PEX16: variants seen among roughly 807,000 people sequenced by gnomAD.
PEX16 encodes the protein peroxisomal biogenesis factor 16.
PEX16 carries 37 observed loss-of-function variants against 50.5 expected under a neutral mutation model. That is an observed-to-expected ratio of 0.73 (90% CI 0.56 to 0.96). The LOEUF (loss-of-function observed/expected upper bound fraction) is 0.96. Ranked by LOEUF, PEX16 falls within the 40% of genes least tolerant of loss-of-function variation. The pLI, the probability that PEX16 is intolerant of heterozygous loss-of-function variation, is 0.00. For missense variants in PEX16, 401 were observed against 438.3 expected (o/e 0.91, Z 0.76); for synonymous variants, 185 against 190.3 (o/e 0.97, Z 0.23).
At chr11:45,918,075 C>T, upstream of PEX16, 1 of 541,620 alleles carries the variant, frequency 1.8e-6, no homozygotes, top group East Asian at 3.2e-5. Flanking sequence ...GCACGCTCTC[C>T]GCCCCTGACC....
Position 45,914,197 on chromosome 11 carries a change from C to T in PEX16, c.701G>A (p.Ser234Asn), listed in dbSNP as rs755175843. Residue 234 changes from serine to asparagine, a missense_variant, in exon 8 of 11, where the codon AGC becomes AAC. Ser to Asn is a conservative substitution (Grantham distance 46). Transcript: ENST00000378750. The stretch of plus-strand genomic sequence containing the variant: ...CGACCTCTGACCCCACAGGCCCAGG[C>T]TGAGCACTGACGGCCAAGGCGTCAA... ...YIARPLLHLL[S>N]LGLWGQRSWK... The T allele has an allele frequency of 6.2e-7, 1 of 1,613,158 alleles. No homozygotes were observed. The highest frequency in any genetic ancestry group is 1.3e-5 in the African/African-American group (1 of 74,884).
rs755516862 is a variant in PEX16, at chr11:45,914,465, G to A, written c.545C>T (p.Pro182Leu). Residue 182 changes from proline to leucine, a missense_variant, in exon 7 of 11, where the codon CCG (proline) becomes CTG (leucine). Coordinates refer to ENST00000378750, the MANE Select transcript of PEX16 (RefSeq NM_004813.4). ...TCCCCAGTGCCTGGAGTGCAGGGACGGCGCTAGAACACAAGGGCGGCAGAT... is the reference window on the plus strand; with the variant it reads ...TCCCCAGTGCCTGGAGTGCAGGGACAGCGCTAGAACACAAGGGCGGCAGAT... Reference protein sequence around the residue: ...NRVVRTLQNTPSLHSRHWGAP... With the variant: ...NRVVRTLQNTLSLHSRHWGAP... 9 of 1,607,774 alleles carry A rather than the reference G, an allele frequency of 5.6e-6. No homozygotes were observed. The highest frequency in any genetic ancestry group is 2.2e-5 in the East Asian group (1 of 44,868).
chr11:45,916,402 T>A, intron 2 of PEX16, 99 bp from the exon 3 acceptor site: 1 of 915,832 alleles, frequency 1.1e-6, no homozygotes, highest in Non-Finnish European at 1.8e-6. Flanking sequence ...CATGCTCTGC[T>A]CAGACACCCA....
chr11:45,910,917 A>C lies in PEX16; in HGVS notation c.933T>G (p.Pro311=), dbSNP rs776506962. The part of the protein sequence containing the change: ...FLLQLLADHV[P]GVGLVTRPLM... ...GCTTACTTGTGACCAGGCCAACGCCAGGGACGTGGTCGGCCAGCAACTGGA... is the reference window on the plus strand; with the variant it reads ...GCTTACTTGTGACCAGGCCAACGCCCGGGACGTGGTCGGCCAGCAACTGGA... Residue 311 remains proline, a synonymous_variant, in exon 10 of 11, where the codon CCT becomes CCG. Transcript: ENST00000378750. 1.2e-6 allele frequency: 2 copies of C among 1,613,650 alleles called. No individual in the cohort carries two copies. The highest frequency in any genetic ancestry group is 2.7e-5 in the African/African-American group (2 of 75,068).
upstream of PEX16, chr11:45,918,119 T>G: frequency 8.5e-6 from 4 of 469,312 alleles, no homozygotes; most frequent in African/African-American, 2.0e-5. Flanking sequence ...CTCTTCCGTT[T>G]ACCGGGTTGG....
intron 2 of PEX16, chr11:45,917,037 C>G (rs1022541622): frequency 2.0e-6 from 1 of 490,204 alleles, no homozygotes; most frequent in African/African-American, 1.9e-5. Flanking sequence ...GGCAAACACT[C>G]TTGAGGTAGT....
rs1375624052 is a variant in PEX16, at chr11:45,910,925, G to C, written c.925C>G (p.His309Asp). The C allele has an allele frequency of 1.9e-6, 3 of 1,613,610 alleles. No homozygotes were observed. Residue 309 changes from histidine (H) to aspartate (D), a missense_variant, in exon 10 of 11, where the codon CAC becomes GAC. His to Asp is a moderately conservative substitution (Grantham distance 81). Transcript: ENST00000378750. ...GTGACCAGGCCAACGCCAGGGACGT[G>C]GTCGGCCAGCAACTGGAGCAGGAAG... ...ILFLLQLLADHVPGVGLVTRP... is the reference protein window; with the variant it reads ...ILFLLQLLADDVPGVGLVTRP...
chr11:45,912,675 T>G (rs1335152310), intron 9 of PEX16, among the ~76,000 whole-genome samples: 1 of 152,058 alleles, frequency 6.6e-6, no homozygotes, highest in Non-Finnish European at 1.5e-5. Flanking sequence ...GGCTAATTTT[T>G]GTATTTTTAG....
chr11:45,915,889 C>G, intron 3 of PEX16, 53 bp from the exon 4 acceptor site: 1 of 1,574,966 alleles, frequency 6.3e-7, no homozygotes, highest in East Asian at 2.2e-5. Flanking sequence ...CAGGGAGTCC[C>G]AGGCCCTTCT....
chr11:45,914,073 C>G, intron 8 of PEX16, 58 bp downstream of exon 8: 1 of 1,576,206 alleles, frequency 6.3e-7, no homozygotes, highest in South Asian at 1.1e-5. Context: ...CTATGTGAGG[C>G]CAGGATTATA....
At position 45,917,761 on chromosome 11, in the gene PEX16, A is replaced by G; in HGVS notation, c.51T>C (p.Arg17=). ...LGLRYQEYVT[R]HPAATAQLET... ...CCAGCTGGGCCGTGGCGGCCGGGTG[A>G]CGAGTCACGTACTCCTGGTAGCGGA... The change falls in exon 1 of 11, where the codon CGT becomes CGC. Residue 17 remains arginine (R), a synonymous_variant. Transcript: ENST00000378750. The G allele has an allele frequency of 6.4e-7, 1 of 1,555,022 alleles. No homozygotes were observed. The highest frequency in any genetic ancestry group is 2.4e-5 in the East Asian group (1 of 41,716).
Position 45,910,302 on chromosome 11 carries a change from C to T in PEX16, c.963G>A (p.Met321Ile). The change falls in exon 11 of 11, where the codon ATG becomes ATA. Residue 321 changes from methionine to isoleucine, a missense_variant. Transcript: ENST00000378750. ...PGVGLVTRPL[M>I]DYLPTWQKIY... ...TTTTCTGCCAGGTGGGCAAGTAATC[C>T]ATGAGCGGCCCTGCAGTGGGAGAGG... 1 of 1,613,732 alleles carries T rather than the reference C, an allele frequency of 6.2e-7. No individual in the cohort carries two copies. The highest frequency in any genetic ancestry group is 8.5e-7 in the Non-Finnish European group (1 of 1,179,806).
chr11:45,913,350 G>C (rs913546484), intron 9 of PEX16, among the ~76,000 whole-genome samples: 11 of 152,214 alleles, frequency 7.2e-5, no homozygotes, highest in African/African-American at 1.2e-4. Flanking sequence ...AGGTGACTGA[G>C]TGGGGGCTGG....
At position 45,909,733 on chromosome 11, in the gene PEX16, G is replaced by T; in HGVS notation, c.*521C>A. 1 of 363,656 alleles carries T rather than the reference G, an allele frequency of 2.7e-6. No homozygotes were observed. The highest frequency in any genetic ancestry group is 5.2e-6 in the Non-Finnish European group (1 of 193,896). 22.5% of individuals were successfully genotyped at this position (363,656 alleles called of 1,614,324 possible). On this transcript the variant is annotated 3_prime_UTR_variant, in exon 11 of 11. Transcript: ENST00000378750. ...GGCTTAAAGTGCCACTTGCGTGGGA[G>T]CCAGGCTCACTGTTCACCAGGCTCT...
At chr11:45,916,194 T>A in intron 3 of PEX16, 33 bp downstream of exon 3, 1 of 1,531,590 alleles carries the variant, frequency 6.5e-7, no homozygotes, top group South Asian at 1.1e-5. Context: ...TGAGTCCCCA[T>A]GCTTCCCACC....
Position 45,910,361 on chromosome 11 carries a change from C to T in PEX16, c.953-49G>A, listed in dbSNP as rs373593230. 5.9e-5 allele frequency: 87 copies of T among 1,471,744 alleles called. 2 individuals carry two copies. The highest frequency in any genetic ancestry group is 3.4e-4 in the East Asian group (15 of 44,150). 91.2% of individuals were successfully genotyped at this position (1,471,744 alleles called of 1,614,324 possible). ...AGGGCAGGCCAGACCCCAATCTGCA[C>T]TGTGGCGCCACATACAGCACCTCAC... On this transcript the variant is annotated intron_variant, in intron 10 of 10. Transcript: ENST00000378750.
At chr11:45,914,107 A>G (rs994359484) in intron 8 of PEX16, 24 bp downstream of exon 8, 3 of 1,585,586 alleles carry the variant, frequency 1.9e-6, no homozygotes, top group Admixed American at 3.6e-5. Context: ...TGGAGAGTGA[A>G]GCCCCAGGCA....
intron 10 of PEX16, 105 bp from the exon 11 acceptor site, chr11:45,910,417 TGTCTTG>T: frequency 3.3e-6 from 3 of 909,288 alleles, no homozygotes; most frequent in Non-Finnish European, 5.4e-6. Flanking sequence ...CCCAGCTGGC[TGTCTTG>T]CCCTGCCCCC....
chr11:45,915,384 C>T lies in PEX16; in HGVS notation c.460+84G>A, dbSNP rs77810404. The T allele has an allele frequency of 0.014, 14,174 of 989,290 alleles. 224 individuals are homozygous for T. The highest frequency in any genetic ancestry group is 0.048 in the South Asian group (3,730 of 77,108). 61.3% of individuals were successfully genotyped at this position (989,290 alleles called of 1,614,324 possible). On this transcript the variant is annotated intron_variant, in intron 5 of 10. Coordinates refer to ENST00000378750, the MANE Select transcript of PEX16 (RefSeq NM_004813.4). ...GACAGGCGTGCTCCATAAACAGATA[C>T]TACTGTATTCATGCTGGTTGGATCT...
Sources: allele counts gnomAD v4.1 joint callset (sites outside exome capture counted in the v4.1 genomes callset), GRCh38; gene constraint gnomAD v4.1.1; transcripts MANE v1.5; gene names NCBI Gene and HGNC (gene_info 2026-07-23, HGNC 2026-07-21).